Variants in CENPF observed in about 807,000 individuals in gnomAD.
The protein encoded by CENPF is centromere protein F, also known as AH antigen.
Under a neutral mutation model 307.3 loss-of-function variants are expected in CENPF, and 214 were observed. The observed-to-expected ratio is 0.70, with a 90% confidence interval of 0.62 to 0.78. CENPF has a LOEUF of 0.78. Among genes scored for constraint, CENPF ranks in the 30% least tolerant of loss-of-function variants. The probability of loss-of-function intolerance (pLI) is 0.00; values close to 1 mark genes in which losing one functional copy is unlikely to be tolerated. For synonymous variants in CENPF, 1,259 were observed against 1,270.6 expected (o/e 0.99, Z 0.19); for missense variants, 3,401 against 3,483.9 (o/e 0.98, Z 0.60).
intron 1 of CENPF, chr1:214,608,445 A>G: frequency 6.2e-7 from 1 of 1,613,264 alleles, no homozygotes; most frequent in East Asian, 2.2e-5. Context: ...AGCCCAGGCC[A>G]ATGTAGAAGC....
chr1:214,640,986 A>G lies in CENPF; in HGVS notation c.2648A>G (p.Gln883Arg). ...CAAAGTTTTGTGGCTGAAACAAGTCAGCGCATTAGTAAGTTACAGGAAGAC... is the reference window on the plus strand; with the variant it reads ...CAAAGTTTTGTGGCTGAAACAAGTCGGCGCATTAGTAAGTTACAGGAAGAC... ...MHQSFVAETS[Q>R]RISKLQEDTS... Residue 883 changes from glutamine (Q) to arginine (R), a missense_variant, in exon 12 of 20, where the codon CAG (glutamine) becomes CGG (arginine). Coordinates refer to ENST00000366955, the MANE Select transcript of CENPF (RefSeq NM_016343.4). 1 of 1,592,760 alleles carries G rather than the reference A, an allele frequency of 6.3e-7. No individual in the cohort carries two copies.
chr1:214,647,768 G>C (rs370884086), intron 13 of CENPF, among the ~76,000 whole-genome samples: 2 of 152,286 alleles, frequency 1.3e-5, no homozygotes, highest in South Asian at 4.1e-4. Flanking sequence ...GCTATAGAGA[G>C]TATAACAGAC....
At position 214,648,731 on chromosome 1, in the gene CENPF, A is replaced by G. The variant is rs896955890; in HGVS notation, c.7887A>G (p.Ala2629=). The G allele has an allele frequency of 1.1e-5, 18 of 1,614,122 alleles. No homozygotes were observed. The highest frequency in any genetic ancestry group is 1.5e-5 in the Non-Finnish European group (18 of 1,179,968). ...TGCAGAGGGAAATGCATGAGATGGC[A>G]CAGAAAACAGCAGAGCTGCAAGAAG... ...TELQREMHEM[A]QKTAELQEEL... The change falls in exon 14 of 20, where the codon GCA becomes GCG. Residue 2629 remains alanine (A), a synonymous_variant. Transcript: ENST00000366955.
At chr1:214,656,847 A>G (rs1310075354) in intron 17 of CENPF, 86 bp from the exon 18 acceptor site, 7 of 893,170 alleles carry the variant, frequency 7.8e-6, no homozygotes, top group Non-Finnish European at 1.2e-5. Context: ...AAGAAAGAAC[A>G]CGTCTAAGAT....
At chr1:214,605,770 C>T in intron 1 of CENPF, 8 of 1,593,550 alleles carry the variant, frequency 5.0e-6, no homozygotes, top group Non-Finnish European at 5.9e-6. Context: ...TGGTGCCCTC[C>T]ACCCACAGCG....
Position 214,648,600 on chromosome 1 carries a change from A to G in CENPF, c.7831-75A>G, listed in dbSNP as rs538662292. The G allele has an allele frequency of 9.5e-5, 142 of 1,490,726 alleles. 1 individual carries two copies. The South Asian group carries it at 1.3e-3, about 13-fold the overall frequency. 92.3% of individuals were successfully genotyped at this position (1,490,726 alleles called of 1,614,324 possible). The stretch of plus-strand genomic sequence containing the variant: ...GAAGGCTAAAATAAATGGCATGAAT[A>G]TGTTGTATCAGAGTGGTCGATCTGA... On this transcript the variant is annotated intron_variant, in intron 13 of 19. Transcript: ENST00000366955.
Position 214,608,114 on chromosome 1 carries a change from G to A in CENPF, c.-42+4793G>A, listed in dbSNP as rs372407537. The stretch of plus-strand genomic sequence containing the variant: ...CCACAGGCCAGGGTGTGGAAGGACC[G>A]CCTGGCCACACCTCAGCCATGTGGA... On this transcript the variant is annotated intron_variant, in intron 1 of 19. Coordinates refer to ENST00000366955, the MANE Select transcript of CENPF (RefSeq NM_016343.4). Among the ~76,000 whole-genome samples, 9 of 152,304 alleles carry A rather than the reference G, an allele frequency of 5.9e-5. No individual in the cohort carries two copies. The East Asian group carries it at 9.7e-4, about 16-fold the overall frequency.
Position 214,663,698 on chromosome 1 carries a change from C to G in CENPF, c.9249C>G (p.Ser3083Arg). Reference sequence around the variant, plus strand: ...TTCCTGAGAGAAGTCCGACTGACAGCCCCAGAGAGGGCCTGAGGGTCAAGC... The same window carrying G: ...TTCCTGAGAGAAGTCCGACTGACAGGCCCAGAGAGGGCCTGAGGGTCAAGC... Reference protein sequence around the residue: ...NNLPERSPTDSPREGLRVKRG... With the variant: ...NNLPERSPTDRPREGLRVKRG... Residue 3083 changes from serine to arginine, a missense_variant, in exon 20 of 20, where the codon AGC (serine) becomes AGG (arginine). Transcript: ENST00000366955. 1 of 1,614,046 alleles carries G rather than the reference C, an allele frequency of 6.2e-7. No individual in the cohort carries two copies. Among genetic ancestry groups the G allele is most frequent in the Non-Finnish European group, 8.5e-7 (1 of 1,180,002 alleles).
intron 7 of CENPF, among the ~76,000 whole-genome samples, chr1:214,625,184 A>G (rs1057283762): frequency 6.6e-6 from 1 of 151,780 alleles, no homozygotes; most frequent in Non-Finnish European, 1.5e-5. Flanking sequence ...ACAACATATA[A>G]TTGGGCCATG....
chr1:214,608,071 T>A (rs1461051156), intron 1 of CENPF, among the ~76,000 whole-genome samples: 1 of 152,116 alleles, frequency 6.6e-6, no homozygotes, highest in African/African-American at 2.4e-5. Flanking sequence ...AGGCCAGGGG[T>A]TCCCAGGGAG....
rs1658080752 is a variant in CENPF, at chr1:214,640,529, C to A, written c.2191C>A (p.Gln731Lys). 3 of 1,614,072 alleles carry A rather than the reference C, an allele frequency of 1.9e-6. No individual in the cohort carries two copies. The highest frequency in any genetic ancestry group is 2.5e-6 in the Non-Finnish European group (3 of 1,179,996). Residue 731 changes from glutamine (Q) to lysine (K), a missense_variant, in exon 12 of 20, where the codon CAA (glutamine) becomes AAA (lysine). Gln to Lys is a moderately conservative substitution (Grantham distance 53). Transcript: ENST00000366955. ...MCLKTSQLTG[Q>K]VEDLEHKLQL... The stretch of plus-strand genomic sequence containing the variant: ...TTTGAAGACTTCTCAGCTTACTGGG[C>A]AAGTTGAAGATCTAGAACACAAGCT...
chr1:214,642,646 GA>G lies in CENPF; in HGVS notation c.4309del (p.Thr1437ProfsTer6). ...TGAGCTCTAAAATGTCAGAGCTGCAGACCTATGTTGACTCATTAAAGGCCGA... is the reference window on the plus strand; with the variant it reads ...TGAGCTCTAAAATGTCAGAGCTGCAGCCTATGTTGACTCATTAAAGGCCGA... ...QMSSKMSELQ[T>X]YVDSLKAENL... On this transcript the variant is annotated frameshift_variant, in exon 12 of 20. Coordinates refer to ENST00000366955, the MANE Select transcript of CENPF (RefSeq NM_016343.4). LOFTEE classifies it high-confidence loss of function. 6.2e-7 allele frequency: 1 copy of G among 1,614,026 alleles called. No individual in the cohort carries two copies.
rs1657111591 is a variant in CENPF at position 214,608,751 on chromosome 1, C to T, written c.-41-4963C>T. ...TCACCAAGGAATAGGTGGCCTCCGG[C>T]GGCAGGAAGGCGAGCTTGGCAGCGA... is the stretch of plus-strand genomic sequence containing the variant. On this transcript the variant is annotated intron_variant, in intron 1 of 19. Transcript: ENST00000366955. 6.9e-6 allele frequency: 11 copies of T among 1,599,676 alleles called. No homozygotes were observed. In the South Asian group the frequency reaches 7.7e-5, roughly 11 times the overall value.
intron 1 of CENPF, among the ~76,000 whole-genome samples, chr1:214,607,498 G>A (rs867595301): frequency 6.6e-6 from 1 of 152,182 alleles, no homozygotes; most frequent in Non-Finnish European, 1.5e-5. Flanking sequence ...CCAGCTCCCA[G>A]GCCCACAGCA....
chr1:214,640,683 G>A lies in CENPF; in HGVS notation c.2345G>A (p.Arg782Lys). 6.2e-7 allele frequency: 1 copy of A among 1,614,060 alleles called. No individual in the cohort carries two copies. Among genetic ancestry groups the A allele is most frequent in the Non-Finnish European group, 8.5e-7 (1 of 1,180,006 alleles). The change falls in exon 12 of 20, where the codon AGA becomes AAA. Residue 782 changes from arginine to lysine, a missense_variant. By Grantham distance (26) the Arg-to-Lys change is conservative (BLOSUM62 2). Transcript: ENST00000366955. ...CTGGTGACAAATGAAGATCATCAGA[G>A]AAGTCTTTTGGCTTTTGATCAGCAG... ...ASLVTNEDHQ[R>K]SLLAFDQQPA...
intron 7 of CENPF, among the ~76,000 whole-genome samples, chr1:214,624,928 C>A (rs761373289): frequency 6.6e-6 from 1 of 151,976 alleles, no homozygotes; most frequent in South Asian, 2.1e-4. Context: ...CCTTTGATTT[C>A]TTCCAGTTTT....
Position 214,642,125 on chromosome 1 carries a change from GAC to G in CENPF, c.3788_3789del (p.Asp1263ValfsTer2). The G allele has an allele frequency of 6.2e-7, 1 of 1,613,758 alleles. No homozygotes were observed. The highest frequency in any genetic ancestry group is 8.5e-7 in the Non-Finnish European group (1 of 1,179,920). On this transcript the variant is annotated frameshift_variant, in exon 12 of 20. Coordinates refer to ENST00000366955, the MANE Select transcript of CENPF (RefSeq NM_016343.4). LOFTEE classifies it high-confidence loss of function. ...MQSQEISGLKDCEIDAEEKYI... is the reference protein window; with the variant it reads ...MQSQEISGLKXCEIDAEEKYI... ...GTCACAAGAAATTAGTGGCCTTAAAGACTGTGAAATAGATGCGGAAGAAAAGT... is the reference window on the plus strand; with the variant it reads ...GTCACAAGAAATTAGTGGCCTTAAAGTGTGAAATAGATGCGGAAGAAAAGT...
In CENPF at chr1:214,659,108, C is replaced by T; in HGVS notation, c.9141+80C>T. 1 of 1,465,116 alleles carries T rather than the reference C, an allele frequency of 6.8e-7. No individual in the cohort carries two copies. 90.8% of individuals were successfully genotyped at this position (1,465,116 alleles called of 1,614,324 possible). A position where few individuals can be genotyped will look rare whatever the true frequency, so the allele number is the denominator to read the frequency against. On this transcript the variant is annotated intron_variant, in intron 19 of 19. Transcript: ENST00000366955. The surrounding 1 kb of genome is among the most constrained non-coding windows in gnomAD (Gnocchi z 4.4). ...ACCTGGGTGAGGATTGGACACTGCA[C>T]CCCCGATTCAGGAGCGCTTTCAAAA...
chr1:214,611,945 C>T (rs1319449897), intron 1 of CENPF, among the ~76,000 whole-genome samples: 1 of 152,138 alleles, frequency 6.6e-6, no homozygotes, highest in African/African-American at 2.4e-5. Context: ...GTTTGACTTC[C>T]TCTCTTCCTA....
Sources: allele counts gnomAD v4.1 joint callset (sites outside exome capture counted in the v4.1 genomes callset), GRCh38; gene constraint gnomAD v4.1.1; non-coding constraint Gnocchi (gnomAD v3.1); transcripts MANE v1.5; gene names NCBI Gene and HGNC (gene_info 2026-07-23, HGNC 2026-07-21).